CIRSR: variants seen among roughly 807,000 people sequenced by gnomAD.
CIRSR encodes CBF1 (RBPJ) interacting corepressor 1.
the CIRSR span, among the ~76,000 whole-genome samples, chr2:174,354,606 A>T: frequency 8.0e-5 from 1 of 12,546 alleles, no homozygotes; most frequent in East Asian, 8.2e-3. Context: ...AATATATATT[A>T]TATTATATAT....
chr2:174,356,020 C>T, the CIRSR span, among the ~76,000 whole-genome samples: 1 of 152,178 alleles, frequency 6.6e-6, no homozygotes, highest in Non-Finnish European at 1.5e-5. Flanking sequence ...GATCCACCCA[C>T]CTCGGCCTCC....
the CIRSR span, among the ~76,000 whole-genome samples, chr2:174,370,432 T>C: frequency 6.6e-6 from 1 of 152,244 alleles, no homozygotes; most frequent in Non-Finnish European, 1.5e-5. Context: ...GCAAAATCTT[T>C]GTTTGCTTGG....
the CIRSR span, among the ~76,000 whole-genome samples, chr2:174,362,017 G>A: frequency 3.0e-3 from 451 of 152,260 alleles, 1 homozygote; most frequent in Admixed American, 5.2e-3. Flanking sequence ...TTATGGCAGG[G>A]CTGGGCATTG....
the CIRSR span, among the ~76,000 whole-genome samples, chr2:174,361,386 G>A: frequency 1.3e-5 from 2 of 152,232 alleles, no homozygotes; most frequent in Admixed American, 6.5e-5. Context: ...AAGGGCAACT[G>A]AGTTTGTCAT....
At chr2:174,363,484 G>A in the CIRSR span, among the ~76,000 whole-genome samples, 1 of 152,144 alleles carries the variant, frequency 6.6e-6, no homozygotes, top group Non-Finnish European at 1.5e-5. Flanking sequence ...GTTTACCTCA[G>A]TTCCTTTTAC....
chr2:174,377,840 A>AAAC, the CIRSR span, among the ~76,000 whole-genome samples: 1 of 151,476 alleles, frequency 6.6e-6, no homozygotes, highest in South Asian at 2.1e-4. Flanking sequence ...AAAAAAAAAA[A>AAAC]AAAAAAACCA....
At chr2:174,392,526 G>A in the CIRSR span, among the ~76,000 whole-genome samples, 2 of 152,102 alleles carry the variant, frequency 1.3e-5, no homozygotes, top group African/African-American at 4.8e-5. Context: ...AACCACTTAG[G>A]AAATGCAACA....
At chr2:174,359,589 G>C in the CIRSR span, among the ~76,000 whole-genome samples, 2 of 152,108 alleles carry the variant, frequency 1.3e-5, no homozygotes, top group Non-Finnish European at 2.9e-5. Context: ...TGGAGAAATA[G>C]GAACGCTTTT....
chr2:174,368,317 T>A, the CIRSR span, among the ~76,000 whole-genome samples: 2 of 152,196 alleles, frequency 1.3e-5, no homozygotes, highest in African/African-American at 4.8e-5. Flanking sequence ...GACCACATTC[T>A]GGGCCATATG....
chr2:174,373,374 A>G, the CIRSR span, among the ~76,000 whole-genome samples: 1 of 152,200 alleles, frequency 6.6e-6, no homozygotes, highest in South Asian at 2.1e-4. Flanking sequence ...ACACACCAGT[A>G]ACTCTGCTTT....
At chr2:174,360,652 G>A in the CIRSR span, among the ~76,000 whole-genome samples, 14 of 152,140 alleles carry the variant, frequency 9.2e-5, no homozygotes, top group African/African-American at 3.4e-4. Context: ...GAATCATAAT[G>A]CCCCTTTGAG....
At chr2:174,348,798 C>T in the CIRSR span, 1 of 1,614,168 alleles carries the variant, frequency 6.2e-7, no homozygotes, top group African/African-American at 1.3e-5. Context: ...ATCAGAATGG[C>T]TCCATTTGCT....
At chr2:174,359,130 T>G in the CIRSR span, among the ~76,000 whole-genome samples, 6 of 152,076 alleles carry the variant, frequency 3.9e-5, no homozygotes, top group African/African-American at 1.5e-4. Context: ...ATTTCACTTA[T>G]AAGAAGCTCA....
the CIRSR span, among the ~76,000 whole-genome samples, chr2:174,353,673 G>C: frequency 6.6e-6 from 1 of 152,142 alleles, no homozygotes; most frequent in Non-Finnish European, 1.5e-5. Flanking sequence ...TCACCATGTT[G>C]GTCAGGCTGG....
At chr2:174,378,579 A>AT in the CIRSR span, 1 of 293,974 alleles carries the variant, frequency 3.4e-6, no homozygotes. Context: ...AGTACAGTCT[A>AT]TTTTTATAAT....
the CIRSR span, among the ~76,000 whole-genome samples, chr2:174,394,404 C>G: frequency 2.6e-5 from 4 of 152,272 alleles, no homozygotes; most frequent in East Asian, 3.9e-4. Flanking sequence ...ACCTCTCCCT[C>G]CCACAGTTGC....
the CIRSR span, among the ~76,000 whole-genome samples, chr2:174,358,757 G>A: frequency 1.3e-5 from 2 of 152,166 alleles, no homozygotes; most frequent in Admixed American, 1.3e-4. Context: ...CTGTTGCCCA[G>A]ACTGGAGTGC....
the CIRSR span, among the ~76,000 whole-genome samples, chr2:174,373,633 C>T: frequency 7.9e-5 from 12 of 151,972 alleles, no homozygotes; most frequent in Non-Finnish European, 1.8e-4. Context: ...AGAATCATAG[C>T]ATAGATTCAA....
At chr2:174,351,845 ATCT>A in the CIRSR span, 2 of 593,312 alleles carry the variant, frequency 3.4e-6, no homozygotes, top group South Asian at 2.7e-5. Flanking sequence ...CAACTCAATA[ATCT>A]TCTGCTGAGC....
Sources: allele counts gnomAD v4.1 joint callset (sites outside exome capture counted in the v4.1 genomes callset), GRCh38; gene constraint gnomAD v4.1.1; transcripts MANE v1.5; gene names NCBI Gene and HGNC (gene_info 2026-07-23, HGNC 2026-07-21).